NPNT: variants seen among roughly 807,000 people sequenced by gnomAD.
NPNT encodes the protein preosteoblast EGF-like repeat protein with MAM domain.
Under a neutral mutation model 68.6 loss-of-function variants are expected in NPNT, and 45 were observed. The observed-to-expected ratio is 0.66, with a 90% CI of 0.52 to 0.84. The LOEUF (loss-of-function observed/expected upper bound fraction) is 0.84. Among genes scored for constraint, NPNT ranks in the 40% least tolerant of loss-of-function variants. The pLI is 0.00. For synonymous variants in NPNT, 233 were observed against 253.3 expected, an observed-to-expected ratio of 0.92 and a Z score of 0.76; for missense variants, 672 against 714.8, an observed-to-expected ratio of 0.94 and a Z score of 0.68.
rs1560882034 is a variant in NPNT, at chr4:105,898,369, TC to T, written c.172+369del. On this transcript the variant is annotated intron_variant, in intron 2 of 11. Transcript: ENST00000379987. ...CTCTCTCTCTCTCTCTCTCTCTCTCTCTCTCTCTCTCGCTGACTCGCTTGCT... is the reference window on the plus strand; with the variant it reads ...CTCTCTCTCTCTCTCTCTCTCTCTCTTCTCTCTCTCGCTGACTCGCTTGCT... 4.1e-3 allele frequency among the ~76,000 whole-genome samples: 527 copies of T among 128,860 alleles called. 2 individuals are homozygous for T. The highest frequency in any genetic ancestry group is 0.019 in the African/African-American group (503 of 26,818). 84.5% of individuals were successfully genotyped at this position (128,860 alleles called of 152,430 possible). A position where few individuals can be genotyped will look rare whatever the true frequency, so the allele number is the denominator to read the frequency against.
intron 7 of NPNT, among the ~76,000 whole-genome samples, chr4:105,941,499 T>C (rs929105508): frequency 3.3e-5 from 5 of 152,204 alleles, no homozygotes; most frequent in Admixed American, 2.0e-4. Context: ...ATACATTTCA[T>C]GTAACAGAAG....
chr4:105,955,024 G>A (rs756635056), intron 8 of NPNT, among the ~76,000 whole-genome samples: 3 of 152,226 alleles, frequency 2.0e-5, no homozygotes, highest in Non-Finnish European at 4.4e-5. Context: ...TAAATGAGTG[G>A]ATGGAGTAGA....
chr4:105,944,292 CTCATCATTGTGA>C (rs1730209211), intron 8 of NPNT, among the ~76,000 whole-genome samples: 1 of 152,112 alleles, frequency 6.6e-6, no homozygotes. Flanking sequence ...TTTTTAAATT[CTCATCATTGTGA>C]TCATACAATG....
chr4:105,946,626 T>G (rs1394737418), intron 8 of NPNT, among the ~76,000 whole-genome samples: 3 of 152,068 alleles, frequency 2.0e-5, no homozygotes, highest in Non-Finnish European at 4.4e-5. Flanking sequence ...CAAGTTTTAT[T>G]AAGGATTTCA....
intron 10 of NPNT, among the ~76,000 whole-genome samples, chr4:105,962,812 A>T (rs1731825273): frequency 6.6e-6 from 1 of 151,960 alleles, no homozygotes; most frequent in Admixed American, 6.6e-5. Context: ...TTACCTTTTC[A>T]TGGTTTTTTA....
Position 105,895,547 on chromosome 4 carries a change from C to T in NPNT, c.-106C>T. ...GCAGCAGTAGCCCGGGCGGCGAGGGCTGGGGGTTCCTCGAGACTCTCAGAG... is the reference window on the plus strand; with the variant it reads ...GCAGCAGTAGCCCGGGCGGCGAGGGTTGGGGGTTCCTCGAGACTCTCAGAG... On this transcript the variant is annotated 5_prime_UTR_variant, in exon 1 of 12. Coordinates refer to ENST00000379987, the MANE Select transcript of NPNT (RefSeq NM_001033047.3). 1 of 922,684 alleles carries T rather than the reference C, an allele frequency of 1.1e-6. No individual in the cohort carries two copies. The highest frequency in any genetic ancestry group is 1.6e-5 in the South Asian group (1 of 61,098). The allele number at this position is 922,684 out of a possible 1,614,324, so 57.2% of individuals were successfully genotyped here. A position where few individuals can be genotyped will look rare whatever the true frequency, so the allele number is the denominator to read the frequency against.
At chr4:105,962,059 G>A (rs140242154) in intron 10 of NPNT, among the ~76,000 whole-genome samples, 2,716 of 152,224 alleles carry the variant, frequency 0.018, 27 homozygotes, top group African/African-American at 0.032. Flanking sequence ...ATCACTAAGG[G>A]TAGAAGACTT....
At chr4:105,906,582 A>G (rs1385671580) in intron 2 of NPNT, among the ~76,000 whole-genome samples, 3 of 152,228 alleles carry the variant, frequency 2.0e-5, no homozygotes, top group Non-Finnish European at 2.9e-5. Flanking sequence ...TGGATTAGAC[A>G]AGATAGTTTC....
chr4:105,958,279 T>C (rs1354491380), intron 8 of NPNT, among the ~76,000 whole-genome samples, 192 bp from the exon 9 acceptor site: 1 of 152,178 alleles, frequency 6.6e-6, no homozygotes, highest in Non-Finnish European at 1.5e-5. Flanking sequence ...TGTACCCAGA[T>C]CAAGGTTGCA....
At chr4:105,903,888 C>T (rs993187044) in intron 2 of NPNT, among the ~76,000 whole-genome samples, 3 of 151,406 alleles carry the variant, frequency 2.0e-5, no homozygotes, top group African/African-American at 7.3e-5. Context: ...GGGCTCAAGC[C>T]ATCCTCCCAC....
At chr4:105,917,793 G>T (rs140175594) in intron 2 of NPNT, among the ~76,000 whole-genome samples, 1 of 152,280 alleles carries the variant, frequency 6.6e-6, no homozygotes, top group African/African-American at 2.4e-5. Flanking sequence ...GTATTTCTAA[G>T]AACTGCAATT....
At chr4:105,956,640 A>G (rs971078917) in intron 8 of NPNT, among the ~76,000 whole-genome samples, 1 of 152,220 alleles carries the variant, frequency 6.6e-6, no homozygotes, top group Non-Finnish European at 1.5e-5. Flanking sequence ...TTTCTGTCAC[A>G]AGAAAGCACG....
chr4:105,932,894 C>A (rs1578633341), intron 3 of NPNT, among the ~76,000 whole-genome samples: 2 of 152,192 alleles, frequency 1.3e-5, no homozygotes, highest in African/African-American at 4.8e-5. Flanking sequence ...GCCCTACTGT[C>A]CTTTTAATGC....
intron 2 of NPNT, among the ~76,000 whole-genome samples, chr4:105,909,167 T>G (rs1375206010): frequency 6.6e-6 from 1 of 152,212 alleles, no homozygotes; most frequent in Non-Finnish European, 1.5e-5. Context: ...TTAGTGTATT[T>G]CAGTGTTTAG....
intron 3 of NPNT, among the ~76,000 whole-genome samples, chr4:105,933,038 T>C (rs1193130486): frequency 2.0e-5 from 3 of 152,202 alleles, no homozygotes; most frequent in Non-Finnish European, 4.4e-5. Context: ...GTTTGATGCC[T>C]TTTGCCAAGG....
chr4:105,967,072 T>C, intron 10 of NPNT, 116 bp from the exon 11 acceptor site: 1 of 988,270 alleles, frequency 1.0e-6, no homozygotes, highest in East Asian at 2.6e-5. Flanking sequence ...TCTTCAAAAA[T>C]CTGGAATTCT....
chr4:105,922,946 C>A (rs937240966), intron 2 of NPNT, among the ~76,000 whole-genome samples: 1 of 152,128 alleles, frequency 6.6e-6, no homozygotes, highest in Non-Finnish European at 1.5e-5. Flanking sequence ...AGCAGACCAT[C>A]AAATACGGCC....
chr4:105,921,788 C>T (rs774104068), intron 2 of NPNT, among the ~76,000 whole-genome samples: 6 of 152,154 alleles, frequency 3.9e-5, no homozygotes, highest in Non-Finnish European at 8.8e-5. Context: ...CAGTGACTTT[C>T]CCTTTTCCAA....
At chr4:105,958,375 C>A in intron 8 of NPNT, 96 bp from the exon 9 acceptor site, 1 of 585,540 alleles carries the variant, frequency 1.7e-6, no homozygotes, top group South Asian at 2.9e-5. Context: ...AATAAAATGA[C>A]TAGGCCTTTT....
Sources: allele counts gnomAD v4.1 joint callset (sites outside exome capture counted in the v4.1 genomes callset), GRCh38; gene constraint gnomAD v4.1.1; transcripts MANE v1.5; gene names NCBI Gene and HGNC (gene_info 2026-07-23, HGNC 2026-07-21).